Variants in DCC observed in about 807,000 individuals in gnomAD.
DCC encodes the protein netrin receptor DCC.
In DCC, 58 loss-of-function variants were observed where a neutral mutation model predicts 172.5. The ratio of observed to expected loss-of-function variants is 0.34; its 90% CI spans 0.27 to 0.42. DCC has a LOEUF of 0.42. DCC is among the 10% of genes least tolerant of loss of function. The pLI, the probability that DCC is intolerant of heterozygous loss-of-function variation, is 1.00. For synonymous variants in DCC, 709 were observed against 644.5 expected, an observed-to-expected ratio of 1.10 and a Z score of -1.52; for missense variants, 1,740 against 1,791.0, an observed-to-expected ratio of 0.97 and a Z score of 0.51.
intron 1 of DCC, among the ~76,000 whole-genome samples, chr18:52,474,999 T>A (rs1242713871): frequency 6.6e-6 from 1 of 152,200 alleles, no homozygotes; most frequent in Non-Finnish European, 1.5e-5. Flanking sequence ...CTTCTTCAAT[T>A]TGCATAAGAA....
intron 7 of DCC, among the ~76,000 whole-genome samples, chr18:53,076,106 C>T (rs6508195): frequency 0.33 from 49,703 of 151,976 alleles, 10,088 homozygotes; most frequent in African/African-American, 0.58. Context: ...ATGACCTGGG[C>T]AATTATTTTG....
intron 5 of DCC, among the ~76,000 whole-genome samples, chr18:53,054,894 A>G (rs1301964491): frequency 1.3e-5 from 2 of 152,148 alleles, no homozygotes; most frequent in African/African-American, 2.4e-5. Context: ...GGATTATTAA[A>G]ATATTGTCAT....
At chr18:53,428,198 AATATTAT>A (rs1911178113) in intron 21 of DCC, among the ~76,000 whole-genome samples, 1 of 48,244 alleles carries the variant, frequency 2.1e-5, no homozygotes, top group Non-Finnish European at 4.1e-5. Flanking sequence ...TAGAATATAT[AATATTAT>A]ATATAAGTAT....
At chr18:52,725,425 A>G (rs12956680) in intron 1 of DCC, among the ~76,000 whole-genome samples, 66,281 of 152,154 alleles carry the variant, frequency 0.44, 15,520 homozygotes, top group East Asian at 0.76. Flanking sequence ...GTGACATAAT[A>G]GAATAATGTT....
At chr18:52,411,978 C>G (rs892082495) in intron 1 of DCC, among the ~76,000 whole-genome samples, 1 of 152,060 alleles carries the variant, frequency 6.6e-6, no homozygotes, top group Non-Finnish European at 1.5e-5. Flanking sequence ...CCTCTTGCCA[C>G]CCCCACTTAT....
At chr18:53,141,673 A>G (rs1195245744) in intron 7 of DCC, among the ~76,000 whole-genome samples, 2 of 152,184 alleles carry the variant, frequency 1.3e-5, no homozygotes, top group African/African-American at 2.4e-5. Context: ...CATCAGAGTC[A>G]TTGGTATATA....
intron 1 of DCC, among the ~76,000 whole-genome samples, chr18:52,373,528 C>T (rs942817900): frequency 6.6e-6 from 1 of 152,082 alleles, no homozygotes; most frequent in African/African-American, 2.4e-5. Flanking sequence ...GACATGTATA[C>T]CAACTATTAG....
chr18:53,174,658 A>G (rs1299639157), intron 8 of DCC, among the ~76,000 whole-genome samples: 1 of 149,824 alleles, frequency 6.7e-6, no homozygotes, highest in African/African-American at 2.5e-5. Context: ...GACCAATAAC[A>G]GGATCTGAAA....
chr18:52,684,801 C>T (rs1216661585), intron 1 of DCC, among the ~76,000 whole-genome samples: 1 of 152,086 alleles, frequency 6.6e-6, no homozygotes, highest in African/African-American at 2.4e-5. Flanking sequence ...GTACAGGTGG[C>T]TAATCCGCTT....
In DCC at chr18:52,742,029, G is replaced by C. The variant is rs182951854; in HGVS notation, c.92-10025G>C. ...AGAAGAAGAGACATCTGAGCTCTCT[G>C]TCTCCCCATGAACAAAGAAGAGGTC... is the stretch of plus-strand genomic sequence containing the variant. On this transcript the variant is annotated intron_variant, in intron 1 of 28. Transcript: ENST00000442544. 1.7e-3 allele frequency among the ~76,000 whole-genome samples: 264 copies of C among 152,224 alleles called. 1 individual carries two copies. The highest frequency in any genetic ancestry group is 6.0e-3 in the African/African-American group (248 of 41,520).
chr18:53,420,628 AC>A (rs1910596695), intron 21 of DCC, among the ~76,000 whole-genome samples: 1 of 151,756 alleles, frequency 6.6e-6, no homozygotes, highest in Non-Finnish European at 1.5e-5. Flanking sequence ...GTGGAGAGTG[AC>A]CTCTCTGGTG....
chr18:53,036,178 AT>A (rs2042089697), intron 5 of DCC, among the ~76,000 whole-genome samples: 2 of 152,064 alleles, frequency 1.3e-5, no homozygotes, highest in African/African-American at 4.8e-5. Context: ...TTAAGAAGAT[AT>A]TAAAGATTCT....
chr18:52,959,556 C>T (rs12959551), intron 5 of DCC, among the ~76,000 whole-genome samples: 48,939 of 149,106 alleles, frequency 0.33, 9,787 homozygotes, highest in Non-Finnish European at 0.46. Flanking sequence ...GCTCCCCTCC[C>T]TTCCTCCCCA....
At chr18:52,848,472 C>T (rs902660691) in intron 2 of DCC, among the ~76,000 whole-genome samples, 1 of 152,190 alleles carries the variant, frequency 6.6e-6, no homozygotes, top group African/African-American at 2.4e-5. Flanking sequence ...AAAGGACACA[C>T]ATTTTGGTGG....
At chr18:52,612,432 T>C (rs1056135666) in intron 1 of DCC, among the ~76,000 whole-genome samples, 1 of 151,792 alleles carries the variant, frequency 6.6e-6, no homozygotes, top group Non-Finnish European at 1.5e-5. Context: ...GCTCCCACTA[T>C]AGTCAGAGTG....
chr18:53,424,367 CATT>C (rs2145084626), intron 21 of DCC, among the ~76,000 whole-genome samples: 1 of 152,214 alleles, frequency 6.6e-6, no homozygotes, highest in East Asian at 1.9e-4. Flanking sequence ...GCACTAGAAA[CATT>C]AGAAGGAAAT....
At chr18:52,814,305 T>C (rs751418472) in intron 2 of DCC, among the ~76,000 whole-genome samples, 25 of 152,194 alleles carry the variant, frequency 1.6e-4, no homozygotes, top group Non-Finnish European at 3.1e-4. Context: ...TAGAATTTTC[T>C]GAGATACCAG....
intron 5 of DCC, among the ~76,000 whole-genome samples, chr18:53,033,258 A>G (rs1254653737): frequency 1.3e-5 from 2 of 152,116 alleles, no homozygotes; most frequent in Admixed American, 6.6e-5. Context: ...GAAGCCAAAC[A>G]TGGGTGGAAG....
intron 1 of DCC, among the ~76,000 whole-genome samples, chr18:52,418,011 C>T (rs1230910910): frequency 1.3e-5 from 2 of 152,230 alleles, no homozygotes; most frequent in Non-Finnish European, 2.9e-5. Flanking sequence ...TTTTATAGGA[C>T]CCCGGAAAAT....
Sources: allele counts gnomAD v4.1 joint callset (sites outside exome capture counted in the v4.1 genomes callset), GRCh38; gene constraint gnomAD v4.1.1; transcripts MANE v1.5; gene names NCBI Gene and HGNC (gene_info 2026-07-23, HGNC 2026-07-21).